Variants in KLHL25 observed in about 807,000 individuals in gnomAD.
The protein encoded by KLHL25 is kelch-like protein 25.
In KLHL25, 41 loss-of-function variants were observed where a neutral mutation model predicts 30.0. The observed-to-expected ratio is 1.37, with a 90% CI of 1.07 to 1.78. KLHL25 has a LOEUF of 1.78. Among genes scored for constraint, KLHL25 ranks in the 40% most tolerant of loss-of-function variants. The pLI is 0.00. For missense variants in KLHL25, 971 were observed against 824.5 expected, an observed-to-expected ratio of 1.18 and a Z score of -2.18; for synonymous variants, 399 against 355.3, an observed-to-expected ratio of 1.12 and a Z score of -1.38.
At position 85,769,481 on chromosome 15, in the gene KLHL25, G is replaced by A. The variant is rs145878071; in HGVS notation, c.330C>T (p.Ile110=). The A allele has an allele frequency of 8.3e-4, 1,335 of 1,614,008 alleles. 23 individuals carry two copies. The East Asian group carries it at 0.025, about 30-fold the overall frequency. Residue 110 remains isoleucine (I), a synonymous_variant, in exon 2 of 3, where the codon ATC becomes ATT. Coordinates refer to ENST00000337975, the MANE Select transcript of KLHL25 (RefSeq NM_022480.4). ...ACTCAGCGTTCTCCTCGTTGATGGC[G>A]ATGCGTGAGGAGTAGGCAAAGTCCA... ...LLLDFAYSSR[I]AINEENAESL...
At position 85,769,417 on chromosome 15, in the gene KLHL25, C is replaced by T. The variant is rs201907172; in HGVS notation, c.394G>A (p.Val132Met). The T allele has an allele frequency of 2.4e-5, 39 of 1,614,042 alleles. No homozygotes were observed. The highest frequency in any genetic ancestry group is 1.6e-4 in the Middle Eastern group (1 of 6,084). ...AGGAACTCGGCGGCAGCATCCCGCA[C>T]ATCGTGGAACTGCAGCATGTCGCCT... is the stretch of plus-strand genomic sequence containing the variant. ...EAGDMLQFHDVRDAAAEFLEK... is the reference protein window; with the variant it reads ...EAGDMLQFHDMRDAAAEFLEK... The change falls in exon 2 of 3, where the codon GTG becomes ATG. Residue 132 changes from valine to methionine, a missense_variant. Physicochemically the swap from Val to Met is conservative, Grantham distance 21 (BLOSUM62 1). Transcript: ENST00000337975.
chr15:85,774,201 T>C (rs2151809230), intron 1 of KLHL25, among the ~76,000 whole-genome samples: 1 of 152,134 alleles, frequency 6.6e-6, no homozygotes, highest in South Asian at 2.1e-4. Context: ...AATCAGACAC[T>C]CTCGCTCTGC....
Position 85,760,329 on chromosome 15 carries a change from ACT to A in KLHL25, c.*705_*706del, listed in dbSNP as rs1202541388. 6.6e-6 allele frequency: 1 copy of A among 152,174 alleles called. No individual in the cohort carries two copies. The highest frequency in any genetic ancestry group is 1.5e-5 in the Non-Finnish European group (1 of 68,074). The allele number at this position is 152,174 out of a possible 1,614,324, so 9.4% of individuals were successfully genotyped here. ...TTGAGTCTGCTGCAGGCCCAGCTCC[ACT>A]GAGTGGCCACGAGCAACTGTGTCCC... On this transcript the variant is annotated 3_prime_UTR_variant, in exon 3 of 3. Coordinates refer to ENST00000337975, the MANE Select transcript of KLHL25 (RefSeq NM_022480.4).
At chr15:85,794,589 C>T (rs981828431) in intron 1 of KLHL25, among the ~76,000 whole-genome samples, 177 bp downstream of exon 1, 8 of 152,108 alleles carry the variant, frequency 5.3e-5, no homozygotes, top group African/African-American at 1.4e-4. Context: ...CCGCTCCCCA[C>T]CATTGTCCCA....
intron 1 of KLHL25, among the ~76,000 whole-genome samples, chr15:85,784,854 TC>T (rs2089770015): frequency 6.6e-6 from 1 of 152,152 alleles, no homozygotes; most frequent in South Asian, 2.1e-4. Context: ...AGCCCAGACT[TC>T]CAGCCTACAG....
rs150792633 is a variant in KLHL25 at position 85,768,797 on chromosome 15, G to T, written c.1014C>A (p.Ile338=). Residue 338 remains isoleucine, a synonymous_variant, in exon 2 of 3, where the codon ATC becomes ATA. Transcript: ENST00000337975. ...SPRKEFSASA[I]GCKVYVTGGR... ...CCCCCGTCACATAGACCTTGCAGCC[G>T]ATCGCTGAGGCGCTGAACTCCTTCC... 6.2e-7 allele frequency: 1 copy of T among 1,613,240 alleles called. No homozygotes were observed. Among genetic ancestry groups the T allele is most frequent in the South Asian group, 1.1e-5 (1 of 91,088 alleles).
chr15:85,778,259 C>T (rs986879947), intron 1 of KLHL25, among the ~76,000 whole-genome samples: 1 of 152,214 alleles, frequency 6.6e-6, no homozygotes, highest in Non-Finnish European at 1.5e-5. Flanking sequence ...AGACACACAG[C>T]ACTTCTATTC....
At position 85,768,951 on chromosome 15, in the gene KLHL25, CAG is replaced by C. The variant is rs2151806606; in HGVS notation, c.858_859del (p.Ala288ProfsTer20). On this transcript the variant is annotated frameshift_variant, in exon 2 of 3. Coordinates refer to ENST00000337975, the MANE Select transcript of KLHL25 (RefSeq NM_022480.4). LOFTEE classifies it high-confidence loss of function. The stretch of plus-strand genomic sequence containing the variant: ...GTGGCCCGCCTTGCGTGGCCGGGCA[CAG>C]GGGCTGGTGACCACGCCATCATTCT... The C allele has an allele frequency of 3.7e-6, 6 of 1,613,290 alleles. No individual in the cohort carries two copies. Among genetic ancestry groups the C allele is most frequent in the Non-Finnish European group, 5.1e-6 (6 of 1,180,044 alleles).
At chr15:85,767,124 G>A (rs1338183119) in intron 2 of KLHL25, among the ~76,000 whole-genome samples, 1 of 151,934 alleles carries the variant, frequency 6.6e-6, no homozygotes, top group Non-Finnish European at 1.5e-5. Context: ...CCAAGTAGCT[G>A]GGATTACAGG....
chr15:85,785,926 T>C (rs1282561126), intron 1 of KLHL25, among the ~76,000 whole-genome samples: 1 of 151,996 alleles, frequency 6.6e-6, no homozygotes, highest in Non-Finnish European at 1.5e-5. Context: ...GCGCTCACAA[T>C]GGCAGTGGGA....
Position 85,789,333 on chromosome 15 carries a change from T to C in KLHL25, c.-11+5433A>G, listed in dbSNP as rs2089801214. On this transcript the variant is annotated intron_variant, in intron 1 of 2. Transcript: ENST00000337975. The surrounding 1 kb of genome is among the most constrained non-coding windows in gnomAD (Gnocchi z 4.1). ...GTGGGAGGAGCCATCCAACTGGTCT[T>C]GCAGGCTGGTGCTCAGTCGCCTCCT... Among the ~76,000 whole-genome samples the C allele has an allele frequency of 6.6e-6, 1 of 151,514 alleles. No homozygotes were observed. The highest frequency in any genetic ancestry group is 6.6e-5 in the Admixed American group (1 of 15,224).
chr15:85,775,030 C>T lies in KLHL25; in HGVS notation c.-10-5210G>A, dbSNP rs559105825. Among the ~76,000 whole-genome samples, 4 of 152,164 alleles carry T rather than the reference C, an allele frequency of 2.6e-5. No individual in the cohort carries two copies. The South Asian group carries it at 8.3e-4, about 32-fold the overall frequency. ...TAGCTGGGATTACAGGCGCCCGCCA[C>T]CACACCCGGCTAATTTTTGTATTTT... On this transcript the variant is annotated intron_variant, in intron 1 of 2. Transcript: ENST00000337975.
intron 1 of KLHL25, among the ~76,000 whole-genome samples, chr15:85,780,500 G>C (rs1004922729): frequency 6.6e-6 from 1 of 152,180 alleles, no homozygotes; most frequent in African/African-American, 2.4e-5. Flanking sequence ...CCCACAGATG[G>C]AGCCATTAAA....
Position 85,790,874 on chromosome 15 carries a change from T to C in KLHL25, c.-11+3892A>G, listed in dbSNP as rs76269267. 2.0e-3 allele frequency among the ~76,000 whole-genome samples: 298 copies of C among 150,790 alleles called. 2 individuals carry two copies. Among genetic ancestry groups the C allele is most frequent in the African/African-American group, 7.0e-3 (285 of 40,912 alleles). ...AATATGGTGCAATTTCTCAATGAAATTGATTTCTGAGACCACAGAGCTGCC... is the reference window on the plus strand; with the variant it reads ...AATATGGTGCAATTTCTCAATGAAACTGATTTCTGAGACCACAGAGCTGCC... On this transcript the variant is annotated intron_variant, in intron 1 of 2. Transcript: ENST00000337975.
Position 85,789,458 on chromosome 15 carries a change from G to C in KLHL25, c.-11+5308C>G, listed in dbSNP as rs937771097. 6.6e-6 allele frequency among the ~76,000 whole-genome samples: 1 copy of C among 151,698 alleles called. No individual in the cohort carries two copies. The highest frequency in any genetic ancestry group is 1.5e-5 in the Non-Finnish European group (1 of 67,974). On this transcript the variant is annotated intron_variant, in intron 1 of 2. Transcript: ENST00000337975. The surrounding 1 kb of genome is among the most constrained non-coding windows in gnomAD (Gnocchi z 4.1). The stretch of plus-strand genomic sequence containing the variant: ...TGCCATGGCGCGATCTCGGCTTACT[G>C]CAACTTCTGCCTCCGGGGTTCAAGC...
In KLHL25 at chr15:85,768,492, A is replaced by C. The variant is rs751933815; in HGVS notation, c.1319T>G (p.Val440Gly). Residue 440 changes from valine to glycine, a missense_variant, in exon 2 of 3, where the codon GTG becomes GGG. Transcript: ENST00000337975. ...AACAAAGAGCTTCAGCTTGGCACTCACCACTGCGGCATTGCTGACGCCATC... is the reference window on the plus strand; with the variant it reads ...AACAAAGAGCTTCAGCTTGGCACTCCCCACTGCGGCATTGCTGACGCCATC... ...LRDGVSNAAV[V>G]SAKLKLFVFG... 7 of 1,613,376 alleles carry C rather than the reference A, an allele frequency of 4.3e-6. No individual in the cohort carries two copies. The highest frequency in any genetic ancestry group is 1.3e-5 in the African/African-American group (1 of 74,876).
chr15:85,778,481 C>T (rs1029716261), intron 1 of KLHL25, among the ~76,000 whole-genome samples: 5 of 152,230 alleles, frequency 3.3e-5, no homozygotes, highest in Admixed American at 1.3e-4. Context: ...CGTGTTAACT[C>T]ACCTCATCCC....
intron 1 of KLHL25, among the ~76,000 whole-genome samples, chr15:85,780,486 T>C (rs976285464): frequency 6.6e-6 from 1 of 152,238 alleles, no homozygotes; most frequent in African/African-American, 2.4e-5. Flanking sequence ...TCTTCCTGTC[T>C]GGTCCCACAG....
At chr15:85,780,804 A>G (rs1369970390) in intron 1 of KLHL25, among the ~76,000 whole-genome samples, 1 of 152,214 alleles carries the variant, frequency 6.6e-6, no homozygotes, top group Non-Finnish European at 1.5e-5. Context: ...ATCTCTTCAG[A>G]CAACAATTGG....
Sources: gnomAD v4.1 joint callset for allele counts (sites outside exome capture counted in the v4.1 genomes callset) on GRCh38, gnomAD v4.1.1 for gene constraint, Gnocchi (gnomAD v3.1) non-coding constraint, MANE v1.5 for transcripts, NCBI Gene and HGNC (gene_info 2026-07-23, HGNC 2026-07-21) for gene names.